Variants in HELZ observed in about 807,000 individuals in gnomAD.
The protein encoded by HELZ is helicase with zinc finger.
HELZ carries 23 observed loss-of-function variants against 218.2 expected under a neutral mutation model. The ratio of observed to expected loss-of-function variants is 0.11; its 90% CI spans 0.08 to 0.15. HELZ has a LOEUF of 0.15. Ranked by LOEUF, HELZ falls within the 10% of genes least tolerant of loss-of-function variation. HELZ has a pLI of 1.00. For missense variants in HELZ, 1,813 were observed against 2,353.7 expected (o/e 0.77, Z 4.75); for synonymous variants, 814 against 829.4 (o/e 0.98, Z 0.32).
In HELZ at chr17:67,194,024, T is replaced by C; in HGVS notation, c.500A>G (p.His167Arg). 6.2e-7 allele frequency: 1 copy of C among 1,612,996 alleles called. No homozygotes were observed. The highest frequency in any genetic ancestry group is 8.5e-7 in the Non-Finnish European group (1 of 1,179,338). The change falls in exon 9 of 33, where the codon CAT (histidine) becomes CGT (arginine). Residue 167 changes from histidine (H) to arginine (R), a missense_variant. Physicochemically the swap from His to Arg is conservative, Grantham distance 29. Transcript: ENST00000358691. The part of the protein sequence containing the change: ...DLDEGSCNGW[H>R]FRPPPRGITS... ...GATTCCCCTAGGTGGTGGGCGGAAA[T>C]GCCAACCATTACAAGACCCTAGGGA... is the stretch of plus-strand genomic sequence containing the variant.
chr17:67,087,097 G>T lies in HELZ; in HGVS notation c.5242-16C>A, dbSNP rs1308106756. The T allele has an allele frequency of 1.2e-6, 2 of 1,612,766 alleles. No individual in the cohort carries two copies. The highest frequency in any genetic ancestry group is 1.1e-5 in the South Asian group (1 of 91,038). ...TGGGCTCATACTACACAAAGAAAAA[G>T]AACATTTCATAAATCAGTGCACCTT... On this transcript the variant is annotated splice_polypyrimidine_tract_variant and intron_variant, in intron 31 of 32. Coordinates refer to ENST00000358691, the MANE Select transcript of HELZ (RefSeq NM_014877.4).
chr17:67,092,046 G>A (rs141699874), intron 31 of HELZ, among the ~76,000 whole-genome samples: 2 of 152,282 alleles, frequency 1.3e-5, no homozygotes, highest in East Asian at 3.9e-4. Context: ...AACGTGTGAT[G>A]AATAAACTGT....
At chr17:67,116,540 G>T (rs2037432832) in intron 27 of HELZ, among the ~76,000 whole-genome samples, 1 of 151,716 alleles carries the variant, frequency 6.6e-6, no homozygotes, top group African/African-American at 2.4e-5. Flanking sequence ...AGAGAAAGCT[G>T]AAGAGGCTAC....
chr17:67,112,665 G>A (rs562182126), intron 28 of HELZ, among the ~76,000 whole-genome samples: 23 of 152,296 alleles, frequency 1.5e-4, no homozygotes, highest in African/African-American at 5.5e-4. Context: ...CTAGGCTGAG[G>A]TTGGAGATAC....
chr17:67,175,774 G>A (rs2039438675), intron 13 of HELZ, among the ~76,000 whole-genome samples: 1 of 152,162 alleles, frequency 6.6e-6, no homozygotes, highest in Non-Finnish European at 1.5e-5. Flanking sequence ...CTTGTCACAT[G>A]TTAGGCAGGT....
chr17:67,226,818 A>T (rs2040905948), intron 3 of HELZ, among the ~76,000 whole-genome samples: 1 of 152,260 alleles, frequency 6.6e-6, no homozygotes, highest in Non-Finnish European at 1.5e-5. Context: ...AGGAACAAGT[A>T]TTCAATATAT....
chr17:67,204,280 A>G (rs1309148329), intron 5 of HELZ, among the ~76,000 whole-genome samples: 1 of 152,230 alleles, frequency 6.6e-6, no homozygotes, highest in Non-Finnish European at 1.5e-5. Flanking sequence ...TGTTATGAAT[A>G]TATCTTCTCC....
intron 17 of HELZ, among the ~76,000 whole-genome samples, chr17:67,154,138 A>G (rs1321177005): frequency 6.6e-6 from 1 of 152,258 alleles, no homozygotes; most frequent in Admixed American, 6.5e-5. Flanking sequence ...AGTAATTATT[A>G]ATATTTTGGC....
intron 31 of HELZ, among the ~76,000 whole-genome samples, chr17:67,099,811 A>T (rs906310140): frequency 6.6e-6 from 1 of 152,132 alleles, no homozygotes; most frequent in Admixed American, 6.5e-5. Context: ...CTAATCACCA[A>T]GTAAGAGCTA....
At chr17:67,098,937 T>G (rs1337261087) in intron 31 of HELZ, among the ~76,000 whole-genome samples, 1 of 152,130 alleles carries the variant, frequency 6.6e-6, no homozygotes, top group African/African-American at 2.4e-5. Context: ...TAAAATGTCC[T>G]TTTTTCCTCT....
At chr17:67,122,544 T>A (rs1455252420) in intron 26 of HELZ, among the ~76,000 whole-genome samples, 1 of 146,578 alleles carries the variant, frequency 6.8e-6, no homozygotes, top group Non-Finnish European at 1.5e-5. Context: ...AGACCCCGTC[T>A]CAAAAAAAAA....
In HELZ at chr17:67,195,546, A is replaced by G; in HGVS notation, c.430-76T>C. ...TGAACTAAACTTGAACATTTTCAAT[A>G]TTAAAACAAAGGTGAAGTTGGAATA... On this transcript the variant is annotated intron_variant, in intron 7 of 32. Transcript: ENST00000358691. 3 of 810,816 alleles carry G rather than the reference A, an allele frequency of 3.7e-6. No individual in the cohort carries two copies. In the South Asian group the frequency reaches 4.6e-5, roughly 12 times the overall value. The allele number at this position is 810,816 out of a possible 1,614,324, so 50.2% of individuals were successfully genotyped here.
chr17:67,120,077 C>T (rs2037558662), intron 27 of HELZ: 2 of 354,130 alleles, frequency 5.6e-6, no homozygotes, highest in Admixed American at 9.1e-5. Context: ...GATCTCAGCT[C>T]ACTGCAAACT....
intron 3 of HELZ, among the ~76,000 whole-genome samples, chr17:67,223,987 A>T (rs79250857): frequency 1.3e-5 from 2 of 152,148 alleles, no homozygotes; most frequent in East Asian, 3.8e-4. Flanking sequence ...CCAAATACCC[A>T]TTCCCTTCCC....
chr17:67,142,053 A>G (rs540598276), intron 21 of HELZ, among the ~76,000 whole-genome samples: 31 of 152,088 alleles, frequency 2.0e-4, no homozygotes, highest in African/African-American at 7.0e-4. Context: ...CAAAAAAAAG[A>G]AAAAATAATA....
rs375779482 is a variant in HELZ, at chr17:67,170,388, G to A, written c.1431-2592C>T. 6.6e-5 allele frequency among the ~76,000 whole-genome samples: 10 copies of A among 152,174 alleles called. No homozygotes were observed. In the East Asian group the frequency reaches 1.5e-3, roughly 24 times the overall value. On this transcript the variant is annotated intron_variant, in intron 13 of 32. Transcript: ENST00000358691. The stretch of plus-strand genomic sequence containing the variant: ...AAATTAGCTGGGCGTGGTGGCACAT[G>A]CCTGTAATCCCGGCTACTTGGGAGG...
At chr17:67,101,159 G>C (rs898341624) in intron 31 of HELZ, among the ~76,000 whole-genome samples, 7 of 151,248 alleles carry the variant, frequency 4.6e-5, no homozygotes, top group Non-Finnish European at 8.8e-5. Context: ...AAAAGGGAGG[G>C]AGGAAAGAAG....
chr17:67,099,905 G>A (rs1418421646), intron 31 of HELZ, among the ~76,000 whole-genome samples: 1 of 152,106 alleles, frequency 6.6e-6, no homozygotes, highest in African/African-American at 2.4e-5. Flanking sequence ...TAAATGATTA[G>A]CTTTGATAAT....
chr17:67,148,522 T>C (rs777694352), intron 20 of HELZ, 47 bp downstream of exon 20: 25 of 1,566,670 alleles, frequency 1.6e-5, no homozygotes, highest in Non-Finnish European at 2.1e-5. Context: ...TCCCTCCTAC[T>C]ATCAGACCAA....
Sources: allele counts gnomAD v4.1 joint callset (sites outside exome capture counted in the v4.1 genomes callset), GRCh38; gene constraint gnomAD v4.1.1; transcripts MANE v1.5; gene names NCBI Gene and HGNC (gene_info 2026-07-23, HGNC 2026-07-21).